Variants in TNS3 observed in about 807,000 individuals in gnomAD.
TNS3 encodes the protein tensin 3.
Under a neutral mutation model 140.9 loss-of-function variants are expected in TNS3, and 45 were observed. The ratio of observed to expected loss-of-function variants is 0.32; its 90% CI spans 0.25 to 0.41. TNS3 has a LOEUF of 0.41. Among genes scored for constraint, TNS3 ranks in the 10% least tolerant of loss-of-function variants. TNS3 has a pLI of 1.00. For synonymous variants in TNS3, 815 were observed against 788.4 expected, an observed-to-expected ratio of 1.03 and a Z score of -0.56; for missense variants, 1,716 against 1,906.7, an observed-to-expected ratio of 0.90 and a Z score of 1.86.
At chr7:47,350,706 C>T (rs1789616528) in intron 17 of TNS3, among the ~76,000 whole-genome samples, 1 of 152,202 alleles carries the variant, frequency 6.6e-6, no homozygotes, top group African/African-American at 2.4e-5. Flanking sequence ...AAGCCATCTC[C>T]AGAATGAAAT....
At chr7:47,544,452 G>C (rs1437992988) in intron 1 of TNS3, among the ~76,000 whole-genome samples, 2 of 152,142 alleles carry the variant, frequency 1.3e-5, no homozygotes, top group Non-Finnish European at 2.9e-5. Flanking sequence ...AGGTGCTTAG[G>C]TCATGAGGGG....
intron 20 of TNS3, among the ~76,000 whole-genome samples, chr7:47,312,385 G>C (rs563813584): frequency 6.6e-6 from 1 of 152,274 alleles, no homozygotes; most frequent in South Asian, 2.1e-4. Context: ...ATTTGTGTTT[G>C]TCCGTATTTC....
intron 2 of TNS3, among the ~76,000 whole-genome samples, chr7:47,511,558 C>G (rs1488331651): frequency 7.4e-6 from 1 of 135,548 alleles, no homozygotes; most frequent in Non-Finnish European, 1.7e-5. Context: ...CTGACAAGAG[C>G]CCTTTAGGGT....
At chr7:47,363,725 C>T (rs909325635) in intron 17 of TNS3, among the ~76,000 whole-genome samples, 4 of 152,096 alleles carry the variant, frequency 2.6e-5, no homozygotes, top group African/African-American at 4.8e-5. Flanking sequence ...CCCTTGTGAG[C>T]GAGACTCAAG....
intron 3 of TNS3, among the ~76,000 whole-genome samples, chr7:47,488,675 G>A (rs2941547): frequency 0.55 from 84,003 of 152,136 alleles, 25,773 homozygotes; most frequent in Middle Eastern, 0.67. Context: ...TTCAACATTT[G>A]AATTTGGGGA....
intron 5 of TNS3, among the ~76,000 whole-genome samples, chr7:47,440,221 C>T (rs558969777): frequency 2.6e-5 from 4 of 152,236 alleles, no homozygotes; most frequent in South Asian, 4.1e-4. Context: ...CAGCTATGGT[C>T]GTGGAGGACC....
chr7:47,436,287 T>C (rs1465347752), intron 7 of TNS3, among the ~76,000 whole-genome samples: 1 of 152,220 alleles, frequency 6.6e-6, no homozygotes, highest in Non-Finnish European at 1.5e-5. Context: ...AGTATTAAAA[T>C]AGGCAACTTA....
chr7:47,515,653 TCAC>T (rs1163965289), intron 2 of TNS3, among the ~76,000 whole-genome samples: 3 of 151,906 alleles, frequency 2.0e-5, no homozygotes, highest in Non-Finnish European at 2.9e-5. Flanking sequence ...ACCATCATCA[TCAC>T]CATCCCCATC....
At chr7:47,562,691 G>A (rs1800342029) in intron 1 of TNS3, among the ~76,000 whole-genome samples, 2 of 152,118 alleles carry the variant, frequency 1.3e-5, no homozygotes, top group African/African-American at 2.4e-5. Context: ...GGCCTAGTCT[G>A]CTGCCTTCTA....
At position 47,409,612 on chromosome 7, in the gene TNS3, C is replaced by T. The variant is rs115147417; in HGVS notation, c.723+2115G>A. Among the ~76,000 whole-genome samples the T allele has an allele frequency of 6.9e-3, 1,049 of 152,106 alleles. 7 individuals carry two copies. The highest frequency in any genetic ancestry group is 0.033 in the South Asian group (158 of 4,816). On this transcript the variant is annotated intron_variant, in intron 13 of 30. Transcript: ENST00000311160. ...GAACACTACGCAAACAAGATGAGGG[C>T]GGGTGCAAATCCTACCAGCATCGCC...
At chr7:47,442,170 C>A (rs1437901771) in intron 4 of TNS3, 115 bp from the exon 5 acceptor site, 2 of 610,670 alleles carry the variant, frequency 3.3e-6, no homozygotes, top group Non-Finnish European at 2.4e-6. Flanking sequence ...TCATAAACAG[C>A]AAGTCAATCG....
intron 27 of TNS3, among the ~76,000 whole-genome samples, chr7:47,286,976 A>G (rs551014878): frequency 6.6e-6 from 1 of 152,206 alleles, no homozygotes; most frequent in East Asian, 1.9e-4. Context: ...GCTGGAGAAC[A>G]CTTTACCTGC....
At chr7:47,348,684 T>C (rs184570951) in intron 17 of TNS3, among the ~76,000 whole-genome samples, 34 of 152,238 alleles carry the variant, frequency 2.2e-4, no homozygotes, top group Admixed American at 1.0e-3. Context: ...ATAGTAATAA[T>C]AATAAAACTG....
intron 17 of TNS3, among the ~76,000 whole-genome samples, chr7:47,358,383 C>T (rs1790122142): frequency 6.6e-6 from 1 of 152,210 alleles, no homozygotes; most frequent in African/African-American, 2.4e-5. Flanking sequence ...GTGATCCACC[C>T]ACCGTGGCCT....
chr7:47,311,488 G>A (rs1216577403), intron 20 of TNS3, among the ~76,000 whole-genome samples: 1 of 151,150 alleles, frequency 6.6e-6, no homozygotes, highest in East Asian at 1.9e-4. Context: ...TAATCAAATG[G>A]AAACTCTAGA....
chr7:47,471,869 T>C (rs1020645008), intron 4 of TNS3, among the ~76,000 whole-genome samples: 9 of 152,148 alleles, frequency 5.9e-5, no homozygotes, highest in Non-Finnish European at 8.8e-5. Context: ...ATGAAAGAAG[T>C]GAAGGGATGC....
chr7:47,438,484 C>A (rs1252212425), intron 6 of TNS3, among the ~76,000 whole-genome samples: 3 of 152,192 alleles, frequency 2.0e-5, no homozygotes, highest in Non-Finnish European at 4.4e-5. Flanking sequence ...AAGGAGGAAG[C>A]CCTGAGGAGG....
At chr7:47,507,180 T>C (rs1339955267) in intron 2 of TNS3, among the ~76,000 whole-genome samples, 1 of 152,218 alleles carries the variant, frequency 6.6e-6, no homozygotes, top group Non-Finnish European at 1.5e-5. Context: ...ACAGCTCAGG[T>C]GGCTCAGGTA....
In TNS3 at chr7:47,362,523, T is replaced by C. The variant is rs542735875; in HGVS notation, c.2281+5842A>G. Among the ~76,000 whole-genome samples, 3 of 152,274 alleles carry C rather than the reference T, an allele frequency of 2.0e-5. No homozygotes were observed. The South Asian group carries it at 6.2e-4, about 32-fold the overall frequency. ...CCTGCATGCCAGGGAAAAAAAATAA[T>C]GAGCACTTCCCTCAACAGGTTTACT... On this transcript the variant is annotated intron_variant, in intron 17 of 30. Coordinates refer to ENST00000311160, the MANE Select transcript of TNS3 (RefSeq NM_022748.12).
Sources: gnomAD v4.1 joint callset for allele counts (sites outside exome capture counted in the v4.1 genomes callset) on GRCh38, gnomAD v4.1.1 for gene constraint, MANE v1.5 for transcripts, NCBI Gene and HGNC (gene_info 2026-07-23, HGNC 2026-07-21) for gene names.